The following PDE1C variants were observed in gnomAD, a reference collection of about 807,000 sequenced individuals.
PDE1C encodes the protein phosphodiesterase 1C.
Under a neutral mutation model 93.1 loss-of-function variants are expected in PDE1C, and 62 were observed. That is an observed-to-expected ratio of 0.67 (90% CI 0.54 to 0.82). The LOEUF (loss-of-function observed/expected upper bound fraction) is 0.82. Ranked by LOEUF, PDE1C falls within the 40% of genes least tolerant of loss-of-function variation. PDE1C has a pLI of 0.00. For missense variants in PDE1C, 742 were observed against 884.6 expected, an observed-to-expected ratio of 0.84 and a Z score of 2.04; for synonymous variants, 325 against 310.1, an observed-to-expected ratio of 1.05 and a Z score of -0.50.
intron 2 of PDE1C, among the ~76,000 whole-genome samples, chr7:31,914,586 G>A (rs140802956): frequency 6.6e-6 from 1 of 152,242 alleles, no homozygotes; most frequent in Admixed American, 6.5e-5. Context: ...TGTAGATTAG[G>A]TAAATTGATT....
intron 2 of PDE1C, among the ~76,000 whole-genome samples, chr7:31,947,416 G>T (rs1258317432): frequency 6.6e-6 from 1 of 152,178 alleles, no homozygotes; most frequent in Non-Finnish European, 1.5e-5. Flanking sequence ...CATAGCATGT[G>T]TTCATGTTAT....
chr7:32,245,426 A>AATTC lies in PDE1C; in HGVS notation c.86-35891_86-35888dup, dbSNP rs1044914642. Among the ~76,000 whole-genome samples, 17 of 152,286 alleles carry AATTC rather than the reference A, an allele frequency of 1.1e-4. No individual in the cohort carries two copies. In the East Asian group the frequency reaches 1.7e-3, roughly 16 times the overall value. On this transcript the variant is annotated intron_variant, in intron 1 of 18. Coordinates refer to the PDE1C transcript ENST00000396193. ...CCTAAGGCAATTTCTAAAGAAGCAGAATTCATTTCTGTGAGCTTTGCTCTC... is the reference window on the plus strand; with the variant it reads ...CCTAAGGCAATTTCTAAAGAAGCAGAATTCATTCATTTCTGTGAGCTTTGCTCTC...
chr7:31,974,997 T>C (rs1438772878), intron 2 of PDE1C, among the ~76,000 whole-genome samples: 1 of 152,210 alleles, frequency 6.6e-6, no homozygotes, highest in Non-Finnish European at 1.5e-5. Flanking sequence ...TCCTTTATGA[T>C]ACAGCCCTTG....
At chr7:32,115,517 T>C (rs1478832163) in intron 3 of PDE1C, among the ~76,000 whole-genome samples, 5 of 151,860 alleles carry the variant, frequency 3.3e-5, no homozygotes, top group Non-Finnish European at 5.9e-5. Flanking sequence ...AGCTAATGCA[T>C]GCGGGCCTTA....
intron 1 of PDE1C, among the ~76,000 whole-genome samples, chr7:32,216,783 G>A (rs2128850388): frequency 6.6e-6 from 1 of 152,294 alleles, no homozygotes; most frequent in East Asian, 1.9e-4. Context: ...GTAAACCCAG[G>A]AGTATCTAGT....
chr7:31,914,732 T>A (rs1801664381), intron 2 of PDE1C, among the ~76,000 whole-genome samples: 1 of 152,222 alleles, frequency 6.6e-6, no homozygotes, highest in Non-Finnish European at 1.5e-5. Context: ...ATAACATGAT[T>A]ATCTTGAATT....
In PDE1C at chr7:31,888,920, C is replaced by T. The variant is rs145696873; in HGVS notation, c.129-8060G>A. 2.9e-3 allele frequency among the ~76,000 whole-genome samples: 434 copies of T among 152,154 alleles called. 1 individual carries two copies. Among genetic ancestry groups the T allele is most frequent in the South Asian group, 0.013 (61 of 4,816 alleles). On this transcript the variant is annotated intron_variant, in intron 2 of 17. Transcript: ENST00000396191. Reference sequence around the variant, plus strand: ...AAAATGGTACCATTCACAGAAACATCAAAACGAAACAGTTTCTAGGAATAA... The same window carrying T: ...AAAATGGTACCATTCACAGAAACATTAAAACGAAACAGTTTCTAGGAATAA...
intron 8 of PDE1C, among the ~76,000 whole-genome samples, chr7:31,848,811 C>T (rs927657186): frequency 2.6e-5 from 4 of 152,204 alleles, no homozygotes; most frequent in Non-Finnish European, 5.9e-5. Flanking sequence ...AGTGGCAGGG[C>T]TGGGATGAAG....
intron 3 of PDE1C, among the ~76,000 whole-genome samples, chr7:32,114,548 A>G (rs1798874351): frequency 6.6e-6 from 1 of 152,226 alleles, no homozygotes; most frequent in African/African-American, 2.4e-5. Flanking sequence ...CATTCAGGAC[A>G]CAGGCATGAG....
chr7:32,055,923 T>G (rs757795043), intron 1 of PDE1C, among the ~76,000 whole-genome samples: 2 of 152,208 alleles, frequency 1.3e-5, no homozygotes, highest in Non-Finnish European at 2.9e-5. Context: ...TTTCACCATG[T>G]TGGCCAGGCT....
At chr7:31,724,721 C>A in the PDE1C span, among the ~76,000 whole-genome samples, 1 of 152,194 alleles carries the variant, frequency 6.6e-6, no homozygotes, top group Non-Finnish European at 1.5e-5. Flanking sequence ...CCAGAGAGCA[C>A]AATATCCTCT....
At chr7:32,233,814 A>T (rs1447451235) in intron 1 of PDE1C, among the ~76,000 whole-genome samples, 1 of 152,084 alleles carries the variant, frequency 6.6e-6, no homozygotes, top group Non-Finnish European at 1.5e-5. Flanking sequence ...CAATGCCATC[A>T]ACCAACTGAA....
At chr7:31,774,170 C>T (rs956790022) in intron 17 of PDE1C, among the ~76,000 whole-genome samples, 2 of 152,092 alleles carry the variant, frequency 1.3e-5, no homozygotes, top group African/African-American at 4.8e-5. Flanking sequence ...ATTGAATTTT[C>T]ACACACCATT....
At chr7:31,639,532 G>GTTTTTTTTTTTTTTTTTTTT in the PDE1C span, among the ~76,000 whole-genome samples, 1 of 45,532 alleles carries the variant, frequency 2.2e-5, no homozygotes, top group Non-Finnish European at 3.9e-5. Context: ...TTGTTTGTTT[G>GTTTTTTTTTTTTTTTTTTTT]TTTTTGTTTT....
In PDE1C at chr7:31,877,504, T is replaced by C. The variant is rs371083386; in HGVS notation, c.492+466A>G. ...GCTTACCATGTGCTGAAAACTCTGA[T>C]ATCAAACATTAGCTCTGTCTCTAAT... On this transcript the variant is annotated intron_variant, in intron 5 of 17. Coordinates refer to ENST00000396191, the MANE Select transcript of PDE1C (RefSeq NM_001191057.4). 2.3e-4 allele frequency among the ~76,000 whole-genome samples: 35 copies of C among 152,110 alleles called. No individual in the cohort carries two copies. The East Asian group carries it at 2.5e-3, about 11-fold the overall frequency.
intron 2 of PDE1C, among the ~76,000 whole-genome samples, chr7:31,973,492 G>A (rs754592460): frequency 6.6e-6 from 1 of 152,136 alleles, no homozygotes; most frequent in Non-Finnish European, 1.5e-5. Context: ...ATTTTTCACT[G>A]AGAAAACTTT....
chr7:32,169,914 C>A lies in PDE1C; in HGVS notation c.179G>T (p.Gly60Val), dbSNP rs1802540372. The change falls in exon 3 of 19, where the codon GGG becomes GTG. Residue 60 changes from glycine to valine, a missense_variant. Coordinates refer to the PDE1C transcript ENST00000396193. ...CTTCTCCTTGACATTCCCTGTGAGC[C>A]CATCGATGAGGGAGTTCCACAGACA... is the stretch of plus-strand genomic sequence containing the variant. The A allele has an allele frequency of 5.0e-6, 8 of 1,612,454 alleles. No individual in the cohort carries two copies. In the East Asian group the frequency reaches 1.6e-4, roughly 31 times the overall value.
At chr7:31,753,692 AAACCTTATGGC>A in intron 17 of PDE1C, 139 bp from the exon 18 acceptor site, 1 of 1,284,154 alleles carries the variant, frequency 7.8e-7, no homozygotes, top group Non-Finnish European at 1.0e-6. Flanking sequence ...TTCTCCCTGG[AAACCTTATGGC>A]AGATAGATGA....
rs1795113275 is a variant in PDE1C at position 31,864,969 on chromosome 7, A to G, written c.723T>C (p.His241=). The G allele has an allele frequency of 6.2e-7, 1 of 1,614,048 alleles. No individual in the cohort carries two copies. The highest frequency in any genetic ancestry group is 8.5e-7 in the Non-Finnish European group (1 of 1,179,946). The stretch of plus-strand genomic sequence containing the variant: ...CCACTCCTGTCTTATAGAGGAGGTA[A>G]TGCACTGTCTGTGTAACATCGGCAG... ...MHAADVTQTV[H]YLLYKTGVAN... is the part of the protein sequence containing the mutation. The change falls in exon 7 of 18, where the codon CAT becomes CAC. Residue 241 remains histidine (H), a synonymous_variant. Coordinates refer to ENST00000396191, the MANE Select transcript of PDE1C (RefSeq NM_001191057.4).
Sources: allele counts gnomAD v4.1 joint callset (sites outside exome capture counted in the v4.1 genomes callset), GRCh38; gene constraint gnomAD v4.1.1; transcripts MANE v1.5; gene names NCBI Gene and HGNC (gene_info 2026-07-23, HGNC 2026-07-21).